The following DGLUCY variants were observed in gnomAD, a reference collection of about 807,000 sequenced individuals.
The protein encoded by DGLUCY is D-glutamate cyclase.
Under a neutral mutation model 58.5 loss-of-function variants are expected in DGLUCY, and 58 were observed. That is an observed-to-expected ratio of 0.99 (90% CI 0.80 to 1.23). The LOEUF (loss-of-function observed/expected upper bound fraction) is 1.23, where lower values mean the gene tolerates loss of function less well. Ranked by LOEUF, DGLUCY falls within the 50% of genes most tolerant of loss-of-function variation. The probability of loss-of-function intolerance (pLI) is 0.00; values close to 1 mark genes in which losing one functional copy is unlikely to be tolerated. For synonymous variants in DGLUCY, 325 were observed against 314.1 expected, an observed-to-expected ratio of 1.03 and a Z score of -0.37; for missense variants, 779 against 784.7, an observed-to-expected ratio of 0.99 and a Z score of 0.09.
At chr14:91,221,622 G>A (rs1179977161) in intron 13 of DGLUCY, among the ~76,000 whole-genome samples, 2 of 152,080 alleles carry the variant, frequency 1.3e-5, no homozygotes, top group Non-Finnish European at 2.9e-5. Flanking sequence ...ATAGATGGGT[G>A]AGCAGATGGA....
At chr14:91,100,055 C>CAAAAAAAAAA (rs781379842) in intron 1 of DGLUCY, among the ~76,000 whole-genome samples, 1 of 130,698 alleles carries the variant, frequency 7.7e-6, no homozygotes, top group Non-Finnish European at 1.6e-5. Context: ...AACTCTGTCT[C>CAAAAAAAAAA]AAAAAAAAAA....
chr14:91,157,215 GTGGATGGATGGATGGGTGGATGGA>G (rs2047699887), intron 1 of DGLUCY, among the ~76,000 whole-genome samples: 1 of 106,378 alleles, frequency 9.4e-6, no homozygotes, highest in Non-Finnish European at 1.8e-5. Context: ...GAATGAATGG[GTGGATGGATGGATGGGTGGATGGA>G]TGGATGGATG....
chr14:91,138,834 G>A (rs538961236), intron 1 of DGLUCY, among the ~76,000 whole-genome samples: 10 of 152,204 alleles, frequency 6.6e-5, no homozygotes, highest in African/African-American at 2.4e-4. Context: ...GGGACACAGA[G>A]CCAGACCATA....
At chr14:91,083,537 A>G (rs1260519641) in intron 1 of DGLUCY, among the ~76,000 whole-genome samples, 2 of 151,104 alleles carry the variant, frequency 1.3e-5, no homozygotes, top group African/African-American at 4.9e-5. Flanking sequence ...AAAAAAAAAA[A>G]AAACAGAGAG....
chr14:91,127,053 C>CTTTTTTT (rs11407228), intron 1 of DGLUCY, among the ~76,000 whole-genome samples: 21 of 98,372 alleles, frequency 2.1e-4, no homozygotes, highest in Non-Finnish European at 3.0e-4. Context: ...TGATGATACT[C>CTTTTTTT]TTTTTTTTTT....
rs11340262 is a variant in DGLUCY, at chr14:91,173,267, A to ATT, written c.457-8_457-7dup. ...TTCCATTTTTTAACATTTTCACTTG[A>ATT]TTTTTTTTTTTTTTTGGTCAGACAA... On this transcript the variant is annotated intron_variant, in intron 5 of 13. Transcript: ENST00000256324. The ATT allele has an allele frequency of 1.1e-3, 1,590 of 1,414,924 alleles. 1 individual carries two copies. Among genetic ancestry groups the ATT allele is most frequent in the African/African-American group, 2.8e-3 (189 of 68,606 alleles). 87.6% of individuals were successfully genotyped at this position (1,414,924 alleles called of 1,614,324 possible).
chr14:91,145,697 C>T (rs138416615), intron 1 of DGLUCY, among the ~76,000 whole-genome samples: 2 of 152,284 alleles, frequency 1.3e-5, no homozygotes, highest in African/African-American at 4.8e-5. Context: ...CCGGTGCTCT[C>T]TCAGCACTTT....
chr14:91,080,282 C>CTT (rs1389499636), intron 1 of DGLUCY, among the ~76,000 whole-genome samples: 1 of 152,200 alleles, frequency 6.6e-6, no homozygotes, highest in Non-Finnish European at 1.5e-5. Flanking sequence ...TGAGTCTCTG[C>CTT]TTTCAATTCT....
upstream of DGLUCY, among the ~76,000 whole-genome samples, chr14:91,103,752 T>C (rs1416747603): frequency 2.0e-5 from 3 of 152,016 alleles, no homozygotes; most frequent in Non-Finnish European, 2.9e-5. Context: ...CCTACAGTCC[T>C]TCTCTGCTAT....
At chr14:91,134,558 C>T (rs1036499899) in intron 1 of DGLUCY, among the ~76,000 whole-genome samples, 2 of 152,022 alleles carry the variant, frequency 1.3e-5, no homozygotes, top group African/African-American at 2.4e-5. Flanking sequence ...TTGCCTCAGC[C>T]TCCCGAGTAG....
At chr14:91,189,345 G>C (rs776755534) in intron 9 of DGLUCY, among the ~76,000 whole-genome samples, 175 bp downstream of exon 9, 5 of 152,216 alleles carry the variant, frequency 3.3e-5, no homozygotes, top group Non-Finnish European at 5.9e-5. Context: ...AGATCCAGGG[G>C]ATTTTCCCAG....
chr14:91,104,812 C>G (rs1368770633), upstream of DGLUCY, among the ~76,000 whole-genome samples: 1 of 152,092 alleles, frequency 6.6e-6, no homozygotes, highest in East Asian at 1.9e-4. Context: ...GGTTGGAGTC[C>G]CAGCTCTCAG....
In DGLUCY at chr14:91,167,071, G is replaced by A. The variant is rs533788423; in HGVS notation, c.104-154G>A. ...GGAGAATTGCTTGAACCCAGGAGGC[G>A]GAGGTTGCAGTGAGCCAAGATTGTG... On this transcript the variant is annotated intron_variant, in intron 3 of 13. Coordinates refer to ENST00000256324, the MANE Select transcript of DGLUCY (RefSeq NM_001102368.3). 6.3e-4 allele frequency among the ~76,000 whole-genome samples: 95 copies of A among 151,526 alleles called. No homozygotes were observed. The East Asian group carries it at 0.017, about 27-fold the overall frequency.
At chr14:91,150,591 G>A (rs1004537053) in intron 1 of DGLUCY, among the ~76,000 whole-genome samples, 3 of 151,928 alleles carry the variant, frequency 2.0e-5, no homozygotes, top group East Asian at 1.9e-4. Context: ...ACAGGTGCAC[G>A]CCACCATGCC....
At chr14:91,112,996 T>TA (rs10715930), upstream of DGLUCY, among the ~76,000 whole-genome samples, 39 of 70,186 alleles carry the variant, frequency 5.6e-4, no homozygotes, top group South Asian at 1.7e-3. Flanking sequence ...AGACTACATC[T>TA]AAAAAAAAAA....
intron 1 of DGLUCY, among the ~76,000 whole-genome samples, chr14:91,097,397 A>G (rs1595638002): frequency 6.6e-6 from 1 of 152,332 alleles, no homozygotes; most frequent in Non-Finnish European, 1.5e-5. Context: ...CACTGTCTCA[A>G]AAAAAACAAA....
chr14:91,129,460 GT>G (rs1398674889), intron 1 of DGLUCY, among the ~76,000 whole-genome samples: 2 of 152,002 alleles, frequency 1.3e-5, no homozygotes, highest in Non-Finnish European at 2.9e-5. Context: ...TGCTAGCCGG[GT>G]ATGGTGACTC....
intron 1 of DGLUCY, among the ~76,000 whole-genome samples, chr14:91,108,520 T>TGAGAGA (rs1176961309): frequency 2.4e-5 from 2 of 83,612 alleles, no homozygotes; most frequent in African/African-American, 4.1e-5. Context: ...TGTGTGTGTG[T>TGAGAGA]GTGTGTGAGA....
upstream of DGLUCY, among the ~76,000 whole-genome samples, chr14:91,106,621 C>T (rs2044596681): frequency 6.6e-6 from 1 of 152,036 alleles, no homozygotes; most frequent in South Asian, 2.1e-4. Flanking sequence ...GCATGAGAAT[C>T]CCTTGAACCT....
Sources: allele counts gnomAD v4.1 joint callset (sites outside exome capture counted in the v4.1 genomes callset), GRCh38; gene constraint gnomAD v4.1.1; transcripts MANE v1.5; gene names NCBI Gene and HGNC (gene_info 2026-07-23, HGNC 2026-07-21).